Variants in PCCA observed in about 807,000 individuals in gnomAD.
PCCA encodes the protein propionyl-CoA carboxylase alpha chain, mitochondrial.
Under a neutral mutation model 101.3 loss-of-function variants are expected in PCCA, and 74 were observed. The ratio of observed to expected loss-of-function variants is 0.73; its 90% CI spans 0.61 to 0.89. The LOEUF is 0.89. PCCA is among the 40% of genes least tolerant of loss of function. The pLI is 0.00. For synonymous variants in PCCA, 294 were observed against 313.6 expected (o/e 0.94, Z 0.66); for missense variants, 891 against 907.0 (o/e 0.98, Z 0.23).
At chr13:100,405,922 A>C (rs566736373) in intron 19 of PCCA, among the ~76,000 whole-genome samples, 1 of 152,108 alleles carries the variant, frequency 6.6e-6, no homozygotes, top group South Asian at 2.1e-4. Context: ...GTGCGCCACC[A>C]TGCCCAGCTA....
chr13:100,182,978 T>G (rs2056936583), intron 6 of PCCA, among the ~76,000 whole-genome samples: 1 of 152,158 alleles, frequency 6.6e-6, no homozygotes, highest in Non-Finnish European at 1.5e-5. Flanking sequence ...AAATGTCTCT[T>G]AAACCACATA....
chr13:100,495,630 T>TGTCAGTCC, intron 21 of PCCA, among the ~76,000 whole-genome samples: 1 of 152,232 alleles, frequency 6.6e-6, no homozygotes, highest in Admixed American at 6.5e-5. Context: ...TTTGTTGGGT[T>TGTCAGTCC]AATTTGGGAG....
At chr13:100,420,365 GA>G (rs1445826056) in intron 19 of PCCA, among the ~76,000 whole-genome samples, 5 of 152,148 alleles carry the variant, frequency 3.3e-5, no homozygotes, top group Non-Finnish European at 5.9e-5. Context: ...TTGAGCCCAG[GA>G]ATTCGGGACC....
chr13:100,204,541 T>C (rs1474362512), intron 6 of PCCA, among the ~76,000 whole-genome samples: 1 of 152,186 alleles, frequency 6.6e-6, no homozygotes, highest in Admixed American at 6.5e-5. Flanking sequence ...ATTCATAATA[T>C]AGCAATTTAC....
chr13:100,439,923 A>G (rs1337510112), intron 20 of PCCA, among the ~76,000 whole-genome samples: 6 of 151,966 alleles, frequency 3.9e-5, no homozygotes, highest in African/African-American at 1.4e-4. Context: ...TCTATTTCTC[A>G]TATTCTTGCT....
chr13:100,404,718 C>T (rs985722158), intron 19 of PCCA, among the ~76,000 whole-genome samples: 14 of 152,096 alleles, frequency 9.2e-5, no homozygotes, highest in African/African-American at 3.1e-4. Context: ...CAACTTGCAC[C>T]GGTGAAGCAG....
At chr13:100,103,902 C>T (rs7994935) in intron 2 of PCCA, among the ~76,000 whole-genome samples, 44,042 of 152,102 alleles carry the variant, frequency 0.29, 7,343 homozygotes, top group East Asian at 0.69. Context: ...TCCCAAAGTG[C>T]TGGGATTACA....
At chr13:100,112,887 T>C (rs202236910) in intron 4 of PCCA, among the ~76,000 whole-genome samples, 1 of 1,242 alleles carries the variant, frequency 8.1e-4, no homozygotes, top group South Asian at 0.1. Flanking sequence ...ACAGCAGGGA[T>C]TTTTTTTAGT....
intron 2 of PCCA, among the ~76,000 whole-genome samples, chr13:100,111,259 C>G (rs2048293881): frequency 6.8e-6 from 1 of 147,112 alleles, no homozygotes; most frequent in Non-Finnish European, 1.5e-5. Context: ...TCTCGATCTC[C>G]TGACCTCGTG....
At chr13:100,203,069 G>A (rs182261627) in intron 6 of PCCA, among the ~76,000 whole-genome samples, 1 of 151,888 alleles carries the variant, frequency 6.6e-6, no homozygotes, top group East Asian at 1.9e-4. Flanking sequence ...TCAGGAGTTC[G>A]ATACCAGCTT....
At chr13:100,325,605 G>A (rs1300109978) in intron 16 of PCCA, among the ~76,000 whole-genome samples, 1 of 152,214 alleles carries the variant, frequency 6.6e-6, no homozygotes, top group Non-Finnish European at 1.5e-5. Context: ...AGTTAAGACA[G>A]GGAGGAATAG....
intron 21 of PCCA, among the ~76,000 whole-genome samples, chr13:100,473,990 G>GCTTTTCAATTA (rs2083224322): frequency 6.6e-6 from 1 of 152,174 alleles, no homozygotes; most frequent in Non-Finnish European, 1.5e-5. Flanking sequence ...AAATGCAGAT[G>GCTTTTCAATTA]CTTTTCAATT....
intron 19 of PCCA, among the ~76,000 whole-genome samples, chr13:100,389,195 T>G (rs2076678061): frequency 6.6e-6 from 1 of 150,568 alleles, no homozygotes; most frequent in African/African-American, 2.5e-5. Flanking sequence ...AACACGGAGG[T>G]GGTTAGGGGA....
chr13:100,112,182 C>A, intron 4 of PCCA, 121 bp downstream of exon 4: 1 of 714,846 alleles, frequency 1.4e-6, no homozygotes, highest in South Asian at 1.6e-5. Context: ...AAACTGTTTA[C>A]TTGTTCACTG....
intron 1 of PCCA, among the ~76,000 whole-genome samples, chr13:100,091,487 C>G (rs979779056): frequency 6.6e-6 from 1 of 152,190 alleles, no homozygotes; most frequent in Non-Finnish European, 1.5e-5. Flanking sequence ...GGAAGCATCT[C>G]TGAAGTTCAC....
At chr13:100,300,993 C>T (rs914672977) in intron 12 of PCCA, among the ~76,000 whole-genome samples, 1 of 152,210 alleles carries the variant, frequency 6.6e-6, no homozygotes, top group East Asian at 1.9e-4. Flanking sequence ...AATCTGGCTG[C>T]TTGTCAGGAC....
chr13:100,219,582 T>G (rs2059699848), intron 7 of PCCA, among the ~76,000 whole-genome samples: 1 of 152,178 alleles, frequency 6.6e-6, no homozygotes, highest in South Asian at 2.1e-4. Context: ...CTGAGTAGTT[T>G]GTTGATTCCG....
At chr13:100,235,946 A>G in intron 8 of PCCA, 68 bp downstream of exon 8, 1 of 932,126 alleles carries the variant, frequency 1.1e-6, no homozygotes, top group Non-Finnish European at 1.8e-6. Flanking sequence ...GTCAACAGGT[A>G]ATAAGTAATT....
intron 21 of PCCA, among the ~76,000 whole-genome samples, chr13:100,463,452 T>C (rs1235786974): frequency 6.7e-6 from 1 of 150,272 alleles, no homozygotes; most frequent in African/African-American, 2.5e-5. Context: ...TTGGGCAGAA[T>C]TGAAGATAAT....
Sources: gnomAD v4.1 joint callset for allele counts (sites outside exome capture counted in the v4.1 genomes callset) on GRCh38, gnomAD v4.1.1 for gene constraint, MANE v1.5 for transcripts, NCBI Gene and HGNC (gene_info 2026-07-23, HGNC 2026-07-21) for gene names.